The following SCAPER variants were observed in gnomAD, a reference collection of about 807,000 sequenced individuals.
SCAPER encodes S phase cyclin A-associated protein in the endoplasmic reticulum.
In SCAPER, 98 loss-of-function variants were observed where a neutral mutation model predicts 182.2. The ratio of observed to expected loss-of-function variants is 0.54; its 90% CI spans 0.46 to 0.64. The LOEUF is 0.64. Ranked by LOEUF, SCAPER falls within the 30% of genes least tolerant of loss-of-function variation. The probability of loss-of-function intolerance (pLI) is 0.00; values close to 1 mark genes in which losing one functional copy is unlikely to be tolerated. For synonymous variants in SCAPER, 605 were observed against 564.6 expected (o/e 1.07, Z -1.01); for missense variants, 1,432 against 1,690.0 (o/e 0.85, Z 2.68).
rs193147382 is a variant in SCAPER at position 76,582,101 on chromosome 15, T to G, written c.2712-7817A>C. ...TTATTTAACATAGTACTGGAAGTCC[T>G]ACCTAGACCAATTGGACAAGAGAAA... On this transcript the variant is annotated intron_variant, in intron 22 of 31. Coordinates refer to ENST00000563290, the MANE Select transcript of SCAPER (RefSeq NM_020843.4). Among the ~76,000 whole-genome samples the G allele has an allele frequency of 9.2e-5, 14 of 152,238 alleles. No individual in the cohort carries two copies. The East Asian group carries it at 2.7e-3, about 29-fold the overall frequency.
chr15:76,381,457 G>A lies in SCAPER; in HGVS notation c.3626C>T (p.Thr1209Ile). ...PSTASPKENY[T>I]QNTIQVAIQS... Reference sequence around the variant, plus strand: ...AATGGCCACTTGGATGGTATTTTGAGTGTAATTCTCCTTGGGACTGGCAGT... The same window carrying A: ...AATGGCCACTTGGATGGTATTTTGAATGTAATTCTCCTTGGGACTGGCAGT... Residue 1209 changes from threonine to isoleucine, a missense_variant, in exon 28 of 32, where the codon ACT becomes ATT. Transcript: ENST00000563290. 2 of 1,613,870 alleles carry A rather than the reference G, an allele frequency of 1.2e-6. No individual in the cohort carries two copies. The highest frequency in any genetic ancestry group is 1.7e-6 in the Non-Finnish European group (2 of 1,179,870).
At chr15:76,686,075 T>A (rs2058023889) in intron 20 of SCAPER, among the ~76,000 whole-genome samples, 1 of 151,996 alleles carries the variant, frequency 6.6e-6, no homozygotes. Flanking sequence ...ATTGATAAAT[T>A]TGATTGTTGA....
chr15:76,457,718 A>G (rs952389840), intron 25 of SCAPER, among the ~76,000 whole-genome samples: 1 of 152,160 alleles, frequency 6.6e-6, no homozygotes, highest in Non-Finnish European at 1.5e-5. Flanking sequence ...TACACTTTAC[A>G]TATGTCATAA....
At chr15:76,842,282 C>T (rs1161511943) in intron 4 of SCAPER, among the ~76,000 whole-genome samples, 2 of 152,156 alleles carry the variant, frequency 1.3e-5, no homozygotes, top group African/African-American at 4.8e-5. Flanking sequence ...TTTCTGTCCC[C>T]ACCCAAATCT....
rs1442655730 is a variant in SCAPER at position 76,597,810 on chromosome 15, T to C, written c.2712-23526A>G. 5.0e-5 allele frequency among the ~76,000 whole-genome samples: 6 copies of C among 121,052 alleles called. 1 individual carries two copies. Among genetic ancestry groups the C allele is most frequent in the African/African-American group, 1.5e-4 (6 of 39,590 alleles). 79.4% of individuals were successfully genotyped at this position (121,052 alleles called of 152,430 possible). A position where few individuals can be genotyped will look rare whatever the true frequency, so the allele number is the denominator to read the frequency against. On this transcript the variant is annotated intron_variant, in intron 22 of 31. Coordinates refer to ENST00000563290, the MANE Select transcript of SCAPER (RefSeq NM_020843.4). ...TACACAAAAATTAACTCATGATGGA[T>C]TAAAGACTTAAACATAAGGCCTAAA... is the stretch of plus-strand genomic sequence containing the variant.
chr15:76,873,485 T>A (rs1178082426), intron 2 of SCAPER, among the ~76,000 whole-genome samples: 1 of 152,090 alleles, frequency 6.6e-6, no homozygotes, highest in East Asian at 1.9e-4. Context: ...AGTGATACTT[T>A]TAGTAAAAAG....
chr15:76,809,644 T>A (rs1034870370), intron 5 of SCAPER, among the ~76,000 whole-genome samples: 2 of 152,084 alleles, frequency 1.3e-5, no homozygotes, highest in African/African-American at 4.8e-5. Context: ...ATATGCATTA[T>A]TGGAGTTAGA....
chr15:76,577,533 G>C (rs1301648505), intron 22 of SCAPER, among the ~76,000 whole-genome samples: 9 of 152,174 alleles, frequency 5.9e-5, no homozygotes, highest in African/African-American at 2.2e-4. Context: ...GAATAACTGG[G>C]CAGAATCCTG....
chr15:76,737,987 A>G (rs970194343), intron 15 of SCAPER, among the ~76,000 whole-genome samples: 5 of 152,192 alleles, frequency 3.3e-5, no homozygotes, highest in African/African-American at 1.2e-4. Flanking sequence ...AGACCACTCG[A>G]ACTTTCACCA....
chr15:76,566,462 A>G (rs1432461014), intron 23 of SCAPER, among the ~76,000 whole-genome samples: 1 of 152,130 alleles, frequency 6.6e-6, no homozygotes, highest in Admixed American at 6.5e-5. Flanking sequence ...GACAAACTCC[A>G]TGTCCAATCC....
At chr15:76,578,193 A>C (rs1037934674) in intron 22 of SCAPER, among the ~76,000 whole-genome samples, 1 of 152,104 alleles carries the variant, frequency 6.6e-6, no homozygotes, top group African/African-American at 2.4e-5. Flanking sequence ...AGTAGAACAC[A>C]GCACCAGGTT....
intron 1 of SCAPER, among the ~76,000 whole-genome samples, chr15:76,888,121 G>A (rs2073955192): frequency 6.6e-6 from 1 of 152,194 alleles, no homozygotes; most frequent in East Asian, 1.9e-4. Context: ...AAACAGAAAG[G>A]AATAGCATCA....
chr15:76,850,869 A>G (rs3110384), intron 4 of SCAPER, among the ~76,000 whole-genome samples: 22,873 of 150,466 alleles, frequency 0.15, 1,997 homozygotes, highest in African/African-American at 0.24. Flanking sequence ...CAAAAAAAAA[A>G]AAAAAAAAGA....
rs761380569 is a variant in SCAPER at position 76,354,066 on chromosome 15, G to A, written c.3930C>T (p.Asp1310=). The A allele has an allele frequency of 6.2e-7, 1 of 1,611,326 alleles. No individual in the cohort carries two copies. Among genetic ancestry groups the A allele is most frequent in the Admixed American group, 1.7e-5 (1 of 59,316 alleles). The change falls in exon 30 of 32, where the codon GAC becomes GAT. Residue 1310 remains aspartate, a synonymous_variant. Transcript: ENST00000563290. This position sits in a 1 kb window ranked among gnomAD's most constrained non-coding sequence, Gnocchi z 4.4. ...GGAACAGTACTTTGATCAGCCGTGGGTCACTGAAATACTGGAAGGGCAACT... is the reference window on the plus strand; with the variant it reads ...GGAACAGTACTTTGATCAGCCGTGGATCACTGAAATACTGGAAGGGCAACT... The part of the protein sequence containing the change: ...LCQLPFQYFS[D]PRLIKVLFPS...
At position 76,750,062 on chromosome 15, in the gene SCAPER, A is replaced by G. The variant is rs143927176; in HGVS notation, c.1866+3746T>C. ...GAGATAAAGTAAACAGAATCAAGTTAGAAAGAAAACTCACATATTCATGGC... is the reference window on the plus strand; with the variant it reads ...GAGATAAAGTAAACAGAATCAAGTTGGAAAGAAAACTCACATATTCATGGC... On this transcript the variant is annotated intron_variant, in intron 15 of 31. Transcript: ENST00000563290. Among the ~76,000 whole-genome samples, 14 of 152,050 alleles carry G rather than the reference A, an allele frequency of 9.2e-5. No homozygotes were observed. In the East Asian group the frequency reaches 2.5e-3, roughly 27 times the overall value.
chr15:76,483,891 G>A (rs2051361793), intron 24 of SCAPER, among the ~76,000 whole-genome samples: 1 of 152,092 alleles, frequency 6.6e-6, no homozygotes, highest in Non-Finnish European at 1.5e-5. Context: ...ATTCATTACT[G>A]GTGGGAATGA....
intron 21 of SCAPER, among the ~76,000 whole-genome samples, chr15:76,627,255 C>CTT: frequency 8.2e-6 from 1 of 121,492 alleles, no homozygotes; most frequent in South Asian, 2.7e-4. Context: ...TTACAAATCT[C>CTT]AGAAATTAAA....
intron 25 of SCAPER, among the ~76,000 whole-genome samples, chr15:76,440,563 G>A (rs2047494619): frequency 1.3e-5 from 2 of 152,098 alleles, no homozygotes; most frequent in Non-Finnish European, 2.9e-5. Flanking sequence ...CTCAGAATAT[G>A]AATTAGGTTC....
chr15:76,491,420 A>G (rs1567258138), intron 24 of SCAPER, among the ~76,000 whole-genome samples: 2 of 152,330 alleles, frequency 1.3e-5, no homozygotes, highest in East Asian at 3.9e-4. Context: ...ATACATACAC[A>G]AAAATTATAT....
Sources: gnomAD v4.1 joint callset for allele counts (sites outside exome capture counted in the v4.1 genomes callset) on GRCh38, gnomAD v4.1.1 for gene constraint, Gnocchi (gnomAD v3.1) non-coding constraint, MANE v1.5 for transcripts, NCBI Gene and HGNC (gene_info 2026-07-23, HGNC 2026-07-21) for gene names.